TECTB: variants seen among roughly 807,000 people sequenced by gnomAD.
TECTB encodes tectorin beta.
In TECTB, 45 loss-of-function variants were observed where a neutral mutation model predicts 43.3. That is an observed-to-expected ratio of 1.04 (90% CI 0.82 to 1.33). The LOEUF is 1.33. TECTB is among the 40% of genes most tolerant of loss of function. TECTB has a pLI of 0.00. For synonymous variants in TECTB, 169 were observed against 156.7 expected (o/e 1.08, Z -0.59); for missense variants, 399 against 404.7 (o/e 0.99, Z 0.12).
chr10:112,292,300 G>C (rs115626347), intron 5 of TECTB, among the ~76,000 whole-genome samples: 20 of 152,316 alleles, frequency 1.3e-4, no homozygotes, highest in African/African-American at 4.1e-4. Context: ...AGCATGTCCT[G>C]ATGAGAATGG....
At position 112,283,513 on chromosome 10, in the gene TECTB, T is replaced by C; in HGVS notation, c.-88+17T>C. On this transcript the variant is annotated intron_variant, in intron 1 of 10. Transcript: ENST00000646139. ...CTTCCAACGGTATGAGCCCCACTTT[T>C]TGCCTCTCAGCGCTAACAGGAAACA... 1.8e-6 allele frequency: 1 copy of C among 546,774 alleles called. No individual in the cohort carries two copies. Among genetic ancestry groups the C allele is most frequent in the East Asian group, 3.0e-5 (1 of 32,856 alleles). 33.9% of individuals were successfully genotyped at this position (546,774 alleles called of 1,614,324 possible).
rs1321576239 is a variant in TECTB, at chr10:112,300,159, T to C, written c.907+595T>C. ...CCTGGGCAACAAGAGCGAAACTCCGTCTCAAAAAAAAAAAAAAGAAAGAAA... is the reference window on the plus strand; with the variant it reads ...CCTGGGCAACAAGAGCGAAACTCCGCCTCAAAAAAAAAAAAAAGAAAGAAA... On this transcript the variant is annotated intron_variant, in intron 9 of 10. Coordinates refer to ENST00000646139, the MANE Select transcript of TECTB (RefSeq NM_058222.3). 4.6e-5 allele frequency among the ~76,000 whole-genome samples: 5 copies of C among 109,086 alleles called. No individual in the cohort carries two copies. The East Asian group carries it at 9.9e-4, about 22-fold the overall frequency. The allele number at this position is 109,086 out of a possible 152,430, so 71.6% of individuals were successfully genotyped here. A position where few individuals can be genotyped will look rare whatever the true frequency, so the allele number is the denominator to read the frequency against.
chr10:112,283,902 A>T, intron 2 of TECTB, 92 bp downstream of exon 2: 2 of 1,362,910 alleles, frequency 1.5e-6, no homozygotes, highest in Non-Finnish European at 2.0e-6. Flanking sequence ...AACTTGTTAT[A>T]AAAATGTAAT....
intron 5 of TECTB, among the ~76,000 whole-genome samples, chr10:112,288,329 T>C (rs1306510484): frequency 6.6e-6 from 1 of 151,948 alleles, no homozygotes; most frequent in African/African-American, 2.4e-5. Flanking sequence ...GGAATGAGCT[T>C]ATTTTCTTAA....
intron 5 of TECTB, among the ~76,000 whole-genome samples, chr10:112,290,536 G>A (rs1848490499): frequency 6.6e-6 from 1 of 152,198 alleles, no homozygotes; most frequent in Non-Finnish European, 1.5e-5. Flanking sequence ...CTTCCATGAG[G>A]AGAGGTATTA....
chr10:112,299,392 T>C (rs1040993743), intron 8 of TECTB, 100 bp from the exon 9 acceptor site: 6 of 1,183,552 alleles, frequency 5.1e-6, no homozygotes, highest in Non-Finnish European at 7.3e-6. Flanking sequence ...ACCCCATTTG[T>C]GACCTTTTTA....
intron 9 of TECTB, chr10:112,299,814 C>T (rs1848582181): frequency 2.1e-6 from 1 of 482,290 alleles, no homozygotes; most frequent in Non-Finnish European, 3.7e-6. Flanking sequence ...CCCAAAGAAT[C>T]AGGAAGTGCT....
At chr10:112,300,340 AAGAAAGAAG>A (rs1291096026) in intron 9 of TECTB, among the ~76,000 whole-genome samples, 2 of 138,656 alleles carry the variant, frequency 1.4e-5, no homozygotes, top group Non-Finnish European at 3.2e-5. Context: ...AAGAAAAGAA[AAGAAAGAAG>A]GAAGGAAGGA....
Position 112,304,896 on chromosome 10 carries a change from G to C in TECTB, c.*1584G>C, listed in dbSNP as rs1204100962. On this transcript the variant is annotated 3_prime_UTR_variant, in exon 11 of 11. Transcript: ENST00000646139. ...GGTTCTAGTAGAAAACTCTTAAATA[G>C]CATACTCATAGCCATGTTCAAATCC... The C allele has an allele frequency of 9.2e-5, 14 of 152,118 alleles. No homozygotes were observed. The allele number at this position is 152,118 out of a possible 1,614,324, so 9.4% of individuals were successfully genotyped here.
intron 10 of TECTB, 164 bp from the exon 11 acceptor site, chr10:112,303,099 A>C (rs1440488796): frequency 1.5e-5 from 11 of 748,274 alleles, no homozygotes; most frequent in Non-Finnish European, 2.5e-5. Flanking sequence ...GGTTCTTTGT[A>C]CTGATAAATG....
chr10:112,294,257 C>G (rs1848526666), intron 7 of TECTB, among the ~76,000 whole-genome samples, 196 bp downstream of exon 7: 1 of 152,194 alleles, frequency 6.6e-6, no homozygotes, highest in South Asian at 2.1e-4. Flanking sequence ...AGATACTGTT[C>G]TGAGAGCTTT....
chr10:112,283,539 A>C (rs1317712546), intron 1 of TECTB, 43 bp downstream of exon 1: 1 of 585,210 alleles, frequency 1.7e-6, no homozygotes, highest in Non-Finnish European at 3.0e-6. Context: ...ACAGGAAACA[A>C]TTAGAAACGA....
intron 9 of TECTB, among the ~76,000 whole-genome samples, chr10:112,300,291 G>T (rs1361418802): frequency 1.2e-4 from 9 of 76,662 alleles, no homozygotes; most frequent in African/African-American, 5.0e-4. Context: ...AAGAAAGAAA[G>T]AAAGAAAGAA....
Position 112,302,104 on chromosome 10 carries a change from G to A in TECTB, c.911G>A (p.Arg304Lys). Reference sequence around the variant, plus strand: ...ATTCTCTCTTTACTCACTACAGGCAGGGGATTTTCCAGTCTCTATAGCTTC... The same window carrying A: ...ATTCTCTCTTTACTCACTACAGGCAAGGGATTTTCCAGTCTCTATAGCTTC... ...VLVVELSLRS[R>K]GFSSLYSFSD... Residue 304 changes from arginine to lysine, a missense_variant, in exon 10 of 11, where the codon AGG becomes AAG. Coordinates refer to ENST00000646139, the MANE Select transcript of TECTB (RefSeq NM_058222.3). The A allele has an allele frequency of 2.5e-6, 4 of 1,614,008 alleles. No homozygotes were observed. The highest frequency in any genetic ancestry group is 3.4e-6 in the Non-Finnish European group (4 of 1,179,934).
chr10:112,293,873 A>C, intron 6 of TECTB, 32 bp downstream of exon 6: 1 of 1,609,508 alleles, frequency 6.2e-7, no homozygotes, highest in Non-Finnish European at 8.5e-7. Context: ...TTATATGTTT[A>C]AATGCAAAGA....
At chr10:112,285,096 A>G (rs1478214702) in intron 3 of TECTB, among the ~76,000 whole-genome samples, 1 of 152,240 alleles carries the variant, frequency 6.6e-6, no homozygotes, top group Non-Finnish European at 1.5e-5. Flanking sequence ...AAGTGGTGAC[A>G]AAGAGCATTT....
intron 3 of TECTB, 85 bp downstream of exon 3, chr10:112,284,810 G>A: frequency 8.1e-7 from 1 of 1,239,570 alleles, no homozygotes; most frequent in Non-Finnish European, 1.1e-6. Context: ...GTCCTTGAAA[G>A]GATTCAGAAT....
At chr10:112,292,602 C>A (rs1848508405) in intron 5 of TECTB, among the ~76,000 whole-genome samples, 1 of 152,054 alleles carries the variant, frequency 6.6e-6, no homozygotes, top group African/African-American at 2.4e-5. Flanking sequence ...TGCCACCACA[C>A]CCAGCTAATT....
intron 9 of TECTB, among the ~76,000 whole-genome samples, chr10:112,300,317 AAG>A (rs35825589): frequency 4.2e-5 from 5 of 120,072 alleles, no homozygotes; most frequent in Non-Finnish European, 5.3e-5. Flanking sequence ...GAAAGAAAGA[AAG>A]AGAAAGAAAA....
Sources: allele counts gnomAD v4.1 joint callset (sites outside exome capture counted in the v4.1 genomes callset), GRCh38; gene constraint gnomAD v4.1.1; transcripts MANE v1.5; gene names NCBI Gene and HGNC (gene_info 2026-07-23, HGNC 2026-07-21).